Variants in PUDP observed in about 807,000 individuals in gnomAD.
The protein encoded by PUDP is pseudouridine 5'-phosphatase, also known as pseudouridine-5'-phosphatase.
PUDP carries 8 observed loss-of-function variants against 9.4 expected under a neutral mutation model. The observed-to-expected ratio is 0.85, with a 90% CI of 0.50 to 1.53. The LOEUF (loss-of-function observed/expected upper bound fraction) is 1.53, where lower values mean the gene tolerates loss of function less well. Ranked by LOEUF, PUDP falls within the 40% of genes most tolerant of loss-of-function variation. The pLI, the probability that PUDP is intolerant of heterozygous loss-of-function variation, is 0.00. For synonymous variants in PUDP, 99 were observed against 80.7 expected, an observed-to-expected ratio of 1.23 and a Z score of -1.22; for missense variants, 188 against 189.7, an observed-to-expected ratio of 0.99 and a Z score of 0.05.
At chrX:6,722,925 A>G (rs1368822577), upstream of PUDP, among the ~76,000 whole-genome samples, 1 of 112,061 alleles carries the variant, frequency 8.9e-6, no homozygotes, top group African/African-American at 3.2e-5. Context: ...AAGTGTTTTC[A>G]AGATAGTGGA....
At chrX:6,736,852 A>T (rs1007857090) in intron 3 of PUDP, among the ~76,000 whole-genome samples, 9 of 111,634 alleles carry the variant, frequency 8.1e-5, no homozygotes, top group Admixed American at 2.9e-4. Context: ...GGCCTACTTG[A>T]GGGTGGACAG....
chrX:6,794,114 G>A (rs1019881241), intron 3 of PUDP, among the ~76,000 whole-genome samples: 3 of 112,156 alleles, frequency 2.7e-5, no homozygotes, highest in Non-Finnish European at 5.6e-5. Context: ...AAAAGCATAT[G>A]TATATTCATA....
chrX:6,999,855 G>A (rs1415060330), intron 1 of PUDP, among the ~76,000 whole-genome samples: 1 of 107,828 alleles, frequency 9.3e-6, no homozygotes, highest in Admixed American at 9.9e-5. Flanking sequence ...AACTGTAATG[G>A]AAACTGAAAA....
At chrX:6,809,411 G>T (rs1321339346) in intron 3 of PUDP, among the ~76,000 whole-genome samples, 1 of 109,142 alleles carries the variant, frequency 9.2e-6, no homozygotes, top group Non-Finnish European at 1.9e-5. Flanking sequence ...GAGCATAGGA[G>T]TTTGCTCCCC....
At chrX:6,973,615 T>C (rs1006168537) in intron 3 of PUDP, among the ~76,000 whole-genome samples, 8 of 111,736 alleles carry the variant, frequency 7.2e-5, no homozygotes, top group Non-Finnish European at 1.3e-4. Flanking sequence ...GCGAAGTGTT[T>C]TACTTCCAAT....
chrX:6,750,925 G>A (rs891894864), intron 3 of PUDP, among the ~76,000 whole-genome samples: 2 of 111,062 alleles, frequency 1.8e-5, no homozygotes, highest in East Asian at 5.7e-4. Flanking sequence ...AGATCACAAG[G>A]TCAGGAGATG....
intron 3 of PUDP, chrX:7,057,828 G>A: frequency 8.9e-7 from 1 of 1,127,557 alleles, no homozygotes; most frequent in Non-Finnish European, 1.2e-6. Flanking sequence ...GGAGCTCTAG[G>A]TACAGTTTGG....
At chrX:7,002,921 G>A (rs914515565) in intron 1 of PUDP, among the ~76,000 whole-genome samples, 12 of 110,405 alleles carry the variant, frequency 1.1e-4, no homozygotes, top group African/African-American at 4.0e-4. Flanking sequence ...GGAAAGCACC[G>A]AGAAAAAGGA....
At chrX:6,754,389 C>T (rs1925145150) in intron 3 of PUDP, among the ~76,000 whole-genome samples, 1 of 111,010 alleles carries the variant, frequency 9.0e-6, no homozygotes, top group Non-Finnish European at 1.9e-5. Context: ...TCCATTAAAC[C>T]TCTTTTTCTT....
At chrX:7,147,945 T>A (rs1307575262) in intron 1 of PUDP, 108 bp downstream of exon 1, 3 of 629,637 alleles carry the variant, frequency 4.8e-6, no homozygotes, top group Non-Finnish European at 7.3e-6. Flanking sequence ...CGTCCCTGCA[T>A]GAACACCGCC....
chrX:7,068,302 G>A lies in PUDP; in HGVS notation c.510+8918C>T, dbSNP rs189394889. Reference sequence around the variant, plus strand: ...ATCTTGCAATCTGATAAAATGGCACGTACACGAAAGGTTCAATAAAAGCTT... The same window carrying A: ...ATCTTGCAATCTGATAAAATGGCACATACACGAAAGGTTCAATAAAAGCTT... On this transcript the variant is annotated intron_variant, in intron 3 of 3. Transcript: ENST00000381077. Among the ~76,000 whole-genome samples, 50 of 112,238 alleles carry A rather than the reference G, an allele frequency of 4.5e-4. 1 individual carries two copies. In the East Asian group the frequency reaches 8.2e-3, roughly 18 times the overall value.
chrX:6,870,815 G>A (rs1408066722), intron 3 of PUDP, among the ~76,000 whole-genome samples: 1 of 111,909 alleles, frequency 8.9e-6, no homozygotes, highest in South Asian at 3.8e-4. Flanking sequence ...GATGGGAAGT[G>A]TCATAAATTT....
intron 1 of PUDP, among the ~76,000 whole-genome samples, chrX:6,984,662 C>T (rs972988083): frequency 9.0e-6 from 1 of 111,713 alleles, no homozygotes; most frequent in Non-Finnish European, 1.9e-5. Flanking sequence ...GATTGTACTA[C>T]ATCAGTACAG....
chrX:6,820,254 C>T (rs998620579), intron 3 of PUDP, among the ~76,000 whole-genome samples: 5 of 110,728 alleles, frequency 4.5e-5, no homozygotes, highest in Admixed American at 3.9e-4. Flanking sequence ...CTATGGGTCC[C>T]TCCCACAATA....
At chrX:6,966,366 G>C (rs1186643820) in intron 3 of PUDP, among the ~76,000 whole-genome samples, 1 of 110,437 alleles carries the variant, frequency 9.1e-6, no homozygotes, top group Non-Finnish European at 1.9e-5. Context: ...CTGTTATATA[G>C]AAACTAAGTA....
At chrX:7,054,648 G>GC (rs765737732) in intron 3 of PUDP, among the ~76,000 whole-genome samples, 4 of 111,401 alleles carry the variant, frequency 3.6e-5, no homozygotes, top group Admixed American at 9.5e-5. Context: ...GGTGATCTCA[G>GC]CCCAAAACAA....
rs774362953 is a variant in PUDP at position 6,715,338 on chromosome X, T to C, written n.128+6079A>G. Among the ~76,000 whole-genome samples the C allele has an allele frequency of 6.3e-5, 7 of 111,262 alleles. No homozygotes were observed. The East Asian group carries it at 2.0e-3, about 31-fold the overall frequency. ...TGCTCTGGATACTTCTTAGTTTTGCTAAATGGCCTTAATCTAATAAAATTG... is the reference window on the plus strand; with the variant it reads ...TGCTCTGGATACTTCTTAGTTTTGCCAAATGGCCTTAATCTAATAAAATTG... On this transcript the variant is annotated intron_variant and non_coding_transcript_variant, in intron 1 of 2. Coordinates refer to the PUDP transcript ENST00000438499.
chrX:6,841,275 C>CA (rs60013748), intron 3 of PUDP, among the ~76,000 whole-genome samples: 22,467 of 91,977 alleles, frequency 0.24, 2,529 homozygotes, highest in African/African-American at 0.4. Flanking sequence ...AACTCTGCCT[C>CA]AAAAAAAAAA....
At chrX:6,840,232 G>A (rs748725603) in intron 3 of PUDP, among the ~76,000 whole-genome samples, 1 of 111,616 alleles carries the variant, frequency 9.0e-6, no homozygotes, top group Non-Finnish European at 1.9e-5. Context: ...CGTGACTTTC[G>A]CCTTCTGCCA....
Sources: allele counts gnomAD v4.1 joint callset (sites outside exome capture counted in the v4.1 genomes callset), GRCh38; gene constraint gnomAD v4.1.1; transcripts MANE v1.5; gene names NCBI Gene and HGNC (gene_info 2026-07-23, HGNC 2026-07-21).